The following PAK3 variants were observed in gnomAD, a reference collection of about 807,000 sequenced individuals.
The protein encoded by PAK3 is serine/threonine-protein kinase PAK 3.
PAK3 carries 4 observed loss-of-function variants against 41.0 expected under a neutral mutation model. The observed-to-expected ratio is 0.10, with a 90% CI of 0.05 to 0.22. The LOEUF (loss-of-function observed/expected upper bound fraction) is 0.22. PAK3 is among the 10% of genes least tolerant of loss of function. The pLI is 1.00. For missense variants in PAK3, 205 were observed against 409.9 expected, an observed-to-expected ratio of 0.50 and a Z score of 4.32; for synonymous variants, 146 against 139.6, an observed-to-expected ratio of 1.05 and a Z score of -0.32.
intron 1 of PAK3, among the ~76,000 whole-genome samples, chrX:111,043,516 G>A (rs1478086642): frequency 9.0e-6 from 1 of 111,164 alleles, no homozygotes; most frequent in Non-Finnish European, 1.9e-5. Flanking sequence ...CCTGGTCATG[G>A]TCTCTTATTT....
At chrX:111,156,296 G>A (rs1343812268) in intron 8 of PAK3, among the ~76,000 whole-genome samples, 1 of 111,924 alleles carries the variant, frequency 8.9e-6, no homozygotes, top group Non-Finnish European at 1.9e-5. Context: ...TGTCTTTCAG[G>A]AGAAGCCAAT....
intron 8 of PAK3, among the ~76,000 whole-genome samples, chrX:111,153,826 C>A (rs2094065149): frequency 9.0e-6 from 1 of 111,508 alleles, no homozygotes; most frequent in African/African-American, 3.3e-5. Flanking sequence ...GCAGGGTCTC[C>A]AAGAGATATT....
intron 16 of PAK3, among the ~76,000 whole-genome samples, chrX:111,212,244 C>T (rs1025080108): frequency 6.3e-5 from 7 of 111,959 alleles, no homozygotes; most frequent in Non-Finnish European, 1.1e-4. Context: ...TCAGATAAAA[C>T]CAACATGTTA....
intron 1 of PAK3, among the ~76,000 whole-genome samples, chrX:111,016,155 C>T (rs2092086979): frequency 1.8e-5 from 2 of 112,553 alleles, no homozygotes; most frequent in African/African-American, 6.4e-5. Context: ...ATTGAATCTC[C>T]ATATGCACAT....
intron 8 of PAK3, among the ~76,000 whole-genome samples, chrX:111,156,190 G>A (rs1421917721): frequency 9.0e-6 from 1 of 111,594 alleles, no homozygotes; most frequent in African/African-American, 3.3e-5. Flanking sequence ...ATTTCTAGAG[G>A]TATTTAGATT....
chrX:111,189,809 G>C (rs917073880), intron 11 of PAK3, among the ~76,000 whole-genome samples: 1 of 111,647 alleles, frequency 9.0e-6, no homozygotes, highest in Non-Finnish European at 1.9e-5. Flanking sequence ...AAGTCGAGGT[G>C]ATCTATTCCT....
intron 16 of PAK3, among the ~76,000 whole-genome samples, chrX:111,201,834 A>G (rs1463455541): frequency 9.0e-6 from 1 of 110,995 alleles, no homozygotes; most frequent in East Asian, 2.8e-4. Context: ...AAAAATATAT[A>G]TGTATATATT....
chrX:111,210,935 C>T (rs2094812373), intron 16 of PAK3, among the ~76,000 whole-genome samples: 1 of 111,583 alleles, frequency 9.0e-6, no homozygotes, highest in Admixed American at 9.5e-5. Flanking sequence ...AGGATAGTCC[C>T]CAGAAAACCA....
At chrX:111,021,635 G>T (rs1017464485) in intron 1 of PAK3, among the ~76,000 whole-genome samples, 1 of 110,767 alleles carries the variant, frequency 9.0e-6, no homozygotes, top group African/African-American at 3.3e-5. Flanking sequence ...ACCCCCCAAA[G>T]ATCATACCAG....
intron 1 of PAK3, among the ~76,000 whole-genome samples, chrX:110,965,488 G>C (rs1332644017): frequency 2.7e-5 from 3 of 112,051 alleles, no homozygotes; most frequent in Non-Finnish European, 5.6e-5. Context: ...TCAGCCTCAG[G>C]ACCAGGCTTT....
In PAK3 at chrX:111,216,541, G is replaced by T; in HGVS notation, c.1528G>T (p.Ala510Ser). ...GATGGATGTGGATAGGCGAGGATCT[G>T]CCAAGGAGCTTTTGCAGGTGAAAAT... ...LEMDVDRRGS[A>S]KELLQHPFLK... The change falls in exon 17 of 18, where the codon GCC (alanine) becomes TCC (serine). Residue 510 changes from alanine (A) to serine (S), a missense_variant. This residue lies in a region of PAK3 where 40 missense variants were observed against 54.4 expected (regional missense o/e 0.74). Coordinates refer to ENST00000372007, the MANE Select transcript of PAK3 (RefSeq NM_002578.5). The T allele has an allele frequency of 8.3e-7, 1 of 1,202,865 alleles. No homozygotes were observed. The highest frequency in any genetic ancestry group is 1.7e-5 in the African/African-American group (1 of 57,629).
intron 1 of PAK3, among the ~76,000 whole-genome samples, chrX:110,964,092 C>G: frequency 8.9e-6 from 1 of 111,773 alleles, no homozygotes; most frequent in Non-Finnish European, 1.9e-5. Context: ...CTGTCACATA[C>G]ATTTTTATTA....
intron 1 of PAK3, among the ~76,000 whole-genome samples, chrX:111,057,613 T>C (rs765622066): frequency 1.8e-5 from 2 of 112,237 alleles, no homozygotes; most frequent in South Asian, 7.4e-4. Context: ...TCATCAATTG[T>C]CTTTTTTAAT....
chrX:110,997,468 A>C (rs1226047236), intron 1 of PAK3, among the ~76,000 whole-genome samples: 1 of 111,325 alleles, frequency 9.0e-6, no homozygotes, highest in East Asian at 2.8e-4. Context: ...ACCAATAAGA[A>C]ATGGACACAA....
At chrX:111,082,789 G>C (rs1603149801) in intron 1 of PAK3, among the ~76,000 whole-genome samples, 1 of 111,673 alleles carries the variant, frequency 9.0e-6, no homozygotes, top group South Asian at 3.8e-4. Context: ...TAGACATTTA[G>C]CAATGTTTTT....
chrX:111,023,704 C>T (rs2092227231), intron 1 of PAK3, among the ~76,000 whole-genome samples: 1 of 112,109 alleles, frequency 8.9e-6, no homozygotes, highest in African/African-American at 3.2e-5. Flanking sequence ...TGAGAAGGGT[C>T]TGTTCATATC....
chrX:110,961,759 T>A (rs2090983873), intron 1 of PAK3, among the ~76,000 whole-genome samples: 1 of 112,392 alleles, frequency 8.9e-6, no homozygotes, highest in Non-Finnish European at 1.9e-5. Flanking sequence ...TTCACTTTTT[T>A]AGTCCCCTGG....
intron 8 of PAK3, 181 bp downstream of exon 8, chrX:111,152,628 A>G (rs1418202414): frequency 2.6e-6 from 1 of 385,420 alleles, no homozygotes; most frequent in East Asian, 4.6e-5. Flanking sequence ...TGGTAAATGT[A>G]TATACCTATG....
intron 1 of PAK3, among the ~76,000 whole-genome samples, chrX:111,040,859 C>T (rs965115282): frequency 7.2e-5 from 8 of 111,702 alleles, no homozygotes; most frequent in Admixed American, 5.7e-4. Flanking sequence ...TGGGGGTAGT[C>T]GAGATTGAAA....
Sources: gnomAD v4.1 joint callset for allele counts (sites outside exome capture counted in the v4.1 genomes callset) on GRCh38, gnomAD v4.1.1 for gene constraint, gnomAD v4.1.1 regional missense constraint, MANE v1.5 for transcripts, NCBI Gene and HGNC (gene_info 2026-07-23, HGNC 2026-07-21) for gene names.